The following MIEF1 variants were observed in gnomAD, a reference collection of about 807,000 sequenced individuals.
MIEF1 encodes the protein mitochondrial dynamics protein MIEF1.
Under a neutral mutation model 35.1 loss-of-function variants are expected in MIEF1, and 14 were observed. That is an observed-to-expected ratio of 0.40 (90% confidence interval 0.26 to 0.62). MIEF1 has a LOEUF of 0.62. Among genes scored for constraint, MIEF1 ranks in the 20% least tolerant of loss-of-function variants. The pLI is 0.43. For synonymous variants in MIEF1, 245 were observed against 254.3 expected, an observed-to-expected ratio of 0.96 and a Z score of 0.35; for missense variants, 542 against 615.4, an observed-to-expected ratio of 0.88 and a Z score of 1.26.
chr22:39,514,549 G>C lies in MIEF1; in HGVS notation c.*226G>C. The C allele has an allele frequency of 1.8e-6, 1 of 565,632 alleles. No homozygotes were observed. The allele number at this position is 565,632 out of a possible 1,614,324, so 35.0% of individuals were successfully genotyped here. A position where few individuals can be genotyped will look rare whatever the true frequency, so the allele number is the denominator to read the frequency against. ...ATCACTGTGCTCTCTGCCGCCCCCT[G>C]GCTCCAGGCTAATTTTTCTGGAATG... On this transcript the variant is annotated 3_prime_UTR_variant, in exon 6 of 6. Transcript: ENST00000325301.
At position 39,511,953 on chromosome 22, in the gene MIEF1, G is replaced by T. The variant is rs779919390; in HGVS notation, c.249G>T (p.Leu83=). The part of the protein sequence containing the change: ...EPNWMGSPRL[L]NRDMKTGLSR... ...ACTGGATGGGCTCCCCACGACTGCT[G>T]AACAGGGACATGAAGACGGGCCTGA... The change falls in exon 4 of 6, where the codon CTG becomes CTT. Residue 83 remains leucine, a synonymous_variant. Transcript: ENST00000325301. 67 of 1,614,098 alleles carry T rather than the reference G, an allele frequency of 4.2e-5. No homozygotes were observed. The highest frequency in any genetic ancestry group is 5.4e-5 in the Non-Finnish European group (64 of 1,180,050).
intron 3 of MIEF1, 42 bp downstream of exon 3, chr22:39,511,480 A>G (rs570919985): frequency 2.7e-6 from 4 of 1,508,410 alleles, no homozygotes; most frequent in South Asian, 2.5e-5. Context: ...ATGTAGTGGT[A>G]TGGTCATAAG....
At chr22:39,512,077 C>A in intron 4 of MIEF1, 51 bp downstream of exon 4, 1 of 1,581,972 alleles carries the variant, frequency 6.3e-7, no homozygotes, top group Non-Finnish European at 8.6e-7. Flanking sequence ...TTCAGTACCA[C>A]TCCTGCACTC....
rs887437850 is a variant in MIEF1, at chr22:39,517,526, A to G, written c.*3203A>G. On this transcript the variant is annotated 3_prime_UTR_variant, in exon 6 of 6. Coordinates refer to ENST00000325301, the MANE Select transcript of MIEF1 (RefSeq NM_019008.6). ...GTCTTGAAGGGGAATCAGCTTCAGG[A>G]TGGAAGGACCCAGGAGAGGCCCCGA... 31 of 471,014 alleles carry G rather than the reference A, an allele frequency of 6.6e-5. No homozygotes were observed. The highest frequency in any genetic ancestry group is 3.6e-4 in the African/African-American group (18 of 50,070). The allele number at this position is 471,014 out of a possible 1,614,324, so 29.2% of individuals were successfully genotyped here. A position where few individuals can be genotyped will look rare whatever the true frequency, so the allele number is the denominator to read the frequency against.
Position 39,517,590 on chromosome 22 carries a change from C to T in MIEF1, c.*3267C>T, listed in dbSNP as rs1204687186. 6.4e-6 allele frequency: 3 copies of T among 471,156 alleles called. No homozygotes were observed. The highest frequency in any genetic ancestry group is 1.3e-5 in the Non-Finnish European group (3 of 227,062). 29.2% of individuals were successfully genotyped at this position (471,156 alleles called of 1,614,324 possible). A position where few individuals can be genotyped will look rare whatever the true frequency, so the allele number is the denominator to read the frequency against. On this transcript the variant is annotated 3_prime_UTR_variant, in exon 6 of 6. Coordinates refer to ENST00000325301, the MANE Select transcript of MIEF1 (RefSeq NM_019008.6). ...TGTAAATACAGACTACTGCGAGTGT[C>T]CAGAGCTCTCTGCCATGATACTTCC...
chr22:39,511,148 A>G (rs1010856003), intron 2 of MIEF1, 140 bp from the exon 3 acceptor site: 1 of 1,026,970 alleles, frequency 9.7e-7, no homozygotes, highest in Non-Finnish European at 1.4e-6. Flanking sequence ...CCAGACCCTA[A>G]AGCATGCAGT....
Position 39,517,741 on chromosome 22 carries a change from C to G in MIEF1, c.*3418C>G, listed in dbSNP as rs1178421980. The G allele has an allele frequency of 7.9e-6, 3 of 377,434 alleles. No individual in the cohort carries two copies. The highest frequency in any genetic ancestry group is 6.4e-5 in the African/African-American group (3 of 47,048). 23.4% of individuals were successfully genotyped at this position (377,434 alleles called of 1,614,324 possible). ...GGACAGAGCTGACCCTTGCACCAGG[C>G]TGGGAGGCTGCAGCCCTTTTAGATG... On this transcript the variant is annotated 3_prime_UTR_variant, in exon 6 of 6. Coordinates refer to ENST00000325301, the MANE Select transcript of MIEF1 (RefSeq NM_019008.6).
chr22:39,503,311 A>G (rs1409664370), intron 1 of MIEF1: 1 of 152,236 alleles, frequency 6.6e-6, no homozygotes, highest in Non-Finnish European at 1.5e-5. Flanking sequence ...GGTAGCTGAC[A>G]GAATGAGTTG....
At chr22:39,511,461 G>T (rs985713580) in intron 3 of MIEF1, 23 bp downstream of exon 3, 1 of 1,533,776 alleles carries the variant, frequency 6.5e-7, no homozygotes, top group Non-Finnish European at 8.8e-7. Context: ...AGCCAGGGCT[G>T]GGGGTGGAAT....
intron 5 of MIEF1, among the ~76,000 whole-genome samples, 158 bp downstream of exon 5, chr22:39,512,652 C>A (rs1569019400): frequency 6.8e-6 from 1 of 146,822 alleles, no homozygotes; most frequent in East Asian, 2.0e-4. Context: ...GCTTGTTATT[C>A]TTTTTTTTTT....
At chr22:39,510,715 C>T (rs564604102) in intron 2 of MIEF1, among the ~76,000 whole-genome samples, 5 of 152,332 alleles carry the variant, frequency 3.3e-5, no homozygotes, top group African/African-American at 1.2e-4. Context: ...AAGAAATGAC[C>T]TGCATTATAA....
At position 39,515,451 on chromosome 22, in the gene MIEF1, G is replaced by T; in HGVS notation, c.*1128G>T. 1 of 670,880 alleles carries T rather than the reference G, an allele frequency of 1.5e-6. No individual in the cohort carries two copies. The highest frequency in any genetic ancestry group is 2.8e-6 in the Non-Finnish European group (1 of 362,742). The allele number at this position is 670,880 out of a possible 1,614,324, so 41.6% of individuals were successfully genotyped here. A position where few individuals can be genotyped will look rare whatever the true frequency, so the allele number is the denominator to read the frequency against. ...CGTCTGCCATAGGAATGTGAGAGGG[G>T]TGTTTGCTGAGCGCTCCGGGCACGG... On this transcript the variant is annotated 3_prime_UTR_variant, in exon 6 of 6. Transcript: ENST00000325301.
intron 2 of MIEF1, chr22:39,509,496 A>G (rs1259729179): frequency 2.0e-5 from 3 of 152,258 alleles, no homozygotes; most frequent in African/African-American, 7.2e-5. Flanking sequence ...ACTCCACTGT[A>G]GTCGGGAGCA....
At chr22:39,501,054 T>C (rs1471064553), upstream of MIEF1, among the ~76,000 whole-genome samples, 4 of 152,136 alleles carry the variant, frequency 2.6e-5, no homozygotes, top group Non-Finnish European at 5.9e-5. Flanking sequence ...TCCGTTATTC[T>C]CAAGCCAGAC....
intron 1 of MIEF1, among the ~76,000 whole-genome samples, 172 bp from the exon 2 acceptor site, chr22:39,504,031 A>G (rs1000347907): frequency 1.3e-4 from 20 of 152,360 alleles, no homozygotes; most frequent in African/African-American, 4.8e-4. Flanking sequence ...ATGTTTCCAG[A>G]ATGGGCATCC....
At position 39,517,736 on chromosome 22, in the gene MIEF1, C is replaced by T. The variant is rs1930752861; in HGVS notation, c.*3413C>T. ...ACTTAGGACAGAGCTGACCCTTGCACCAGGCTGGGAGGCTGCAGCCCTTTT... is the reference window on the plus strand; with the variant it reads ...ACTTAGGACAGAGCTGACCCTTGCATCAGGCTGGGAGGCTGCAGCCCTTTT... On this transcript the variant is annotated 3_prime_UTR_variant, in exon 6 of 6. Coordinates refer to ENST00000325301, the MANE Select transcript of MIEF1 (RefSeq NM_019008.6). 2 of 393,520 alleles carry T rather than the reference C, an allele frequency of 5.1e-6. No individual in the cohort carries two copies. Among genetic ancestry groups the T allele is most frequent in the African/African-American group, 4.2e-5 (2 of 47,624 alleles). 24.4% of individuals were successfully genotyped at this position (393,520 alleles called of 1,614,324 possible). A position where few individuals can be genotyped will look rare whatever the true frequency, so the allele number is the denominator to read the frequency against.
In MIEF1 at chr22:39,515,792, CT is replaced by C. The variant is rs1930636842; in HGVS notation, c.*1471del. 1 of 165,474 alleles carries C rather than the reference CT, an allele frequency of 6.0e-6. No homozygotes were observed. Among genetic ancestry groups the C allele is most frequent in the Non-Finnish European group, 1.3e-5 (1 of 76,098 alleles). The allele number at this position is 165,474 out of a possible 1,614,324, so 10.3% of individuals were successfully genotyped here. The stretch of plus-strand genomic sequence containing the variant: ...TCTGCCCATTCAGTATTTTGTTTTC[CT>C]TCCGTCAAGTTGTCTTATTTTTTCA... On this transcript the variant is annotated 3_prime_UTR_variant, in exon 6 of 6. Transcript: ENST00000325301.
chr22:39,506,583 A>G (rs1930027535), intron 2 of MIEF1, among the ~76,000 whole-genome samples: 1 of 152,230 alleles, frequency 6.6e-6, no homozygotes, highest in South Asian at 2.1e-4. Context: ...TCTGCTACCT[A>G]GTCTCGTACA....
At position 39,512,373 on chromosome 22, in the gene MIEF1, C is replaced by T; in HGVS notation, c.464C>T (p.Ala155Val). 1 of 1,614,236 alleles carries T rather than the reference C, an allele frequency of 6.2e-7. No individual in the cohort carries two copies. Reference sequence around the variant, plus strand: ...GCAGCCATCCCTGCTGGAGAGCAGGCTCGGGCCAAGCAAGCTGCTGTGGAC... The same window carrying T: ...GCAGCCATCCCTGCTGGAGAGCAGGTTCGGGCCAAGCAAGCTGCTGTGGAC... ...NRAAIPAGEQ[A>V]RAKQAAVDIC... Residue 155 changes from alanine (A) to valine (V), a missense_variant, in exon 5 of 6, where the codon GCT becomes GTT. Coordinates refer to ENST00000325301, the MANE Select transcript of MIEF1 (RefSeq NM_019008.6).
Sources: allele counts gnomAD v4.1 joint callset (sites outside exome capture counted in the v4.1 genomes callset), GRCh38; gene constraint gnomAD v4.1.1; transcripts MANE v1.5; gene names NCBI Gene and HGNC (gene_info 2026-07-23, HGNC 2026-07-21).